Variants in PCDH9 observed in about 807,000 individuals in gnomAD.
The protein encoded by PCDH9 is protocadherin 9, also known as protocadherin-9.
Under a neutral mutation model 70.6 loss-of-function variants are expected in PCDH9, and 24 were observed. The ratio of observed to expected loss-of-function variants is 0.34; its 90% CI spans 0.25 to 0.48. The LOEUF is 0.48. Ranked by LOEUF, PCDH9 falls within the 20% of genes least tolerant of loss-of-function variation. The probability of loss-of-function intolerance (pLI) is 0.99; values close to 1 mark genes in which losing one functional copy is unlikely to be tolerated. For synonymous variants in PCDH9, 562 were observed against 558.5 expected, an observed-to-expected ratio of 1.01 and a Z score of -0.09; for missense variants, 1,281 against 1,503.6, an observed-to-expected ratio of 0.85 and a Z score of 2.45.
intron 2 of PCDH9, among the ~76,000 whole-genome samples, chr13:67,134,363 A>T (rs1330166268): frequency 6.6e-6 from 1 of 152,078 alleles, no homozygotes; most frequent in African/African-American, 2.4e-5. Flanking sequence ...TCACAGAATT[A>T]GCTGTTTTAA....
intron 3 of PCDH9, among the ~76,000 whole-genome samples, chr13:66,890,448 CTTTTTT>C (rs36076373): frequency 9.9e-6 from 1 of 100,564 alleles, no homozygotes; most frequent in Non-Finnish European, 2.0e-5. Context: ...GACTTCTGAA[CTTTTTT>C]TTTTTTTTTT....
intron 4 of PCDH9, among the ~76,000 whole-genome samples, chr13:66,498,582 A>T (rs565530543): frequency 5.8e-4 from 88 of 152,284 alleles, no homozygotes; most frequent in African/African-American, 2.1e-3. Context: ...GGAAACTGTC[A>T]CCTATATATA....
chr13:66,380,076 A>G (rs1164108624), intron 4 of PCDH9, among the ~76,000 whole-genome samples: 2 of 152,202 alleles, frequency 1.3e-5, no homozygotes, highest in Non-Finnish European at 2.9e-5. Flanking sequence ...TCATTCAAAC[A>G]TACAGTTGAT....
At chr13:66,370,144 A>T (rs1415668541) in intron 4 of PCDH9, among the ~76,000 whole-genome samples, 2 of 152,040 alleles carry the variant, frequency 1.3e-5, no homozygotes, top group Non-Finnish European at 2.9e-5. Flanking sequence ...TAAACATGTG[A>T]TTTTAAATAC....
At chr13:66,837,926 G>A (rs566540639) in intron 3 of PCDH9, among the ~76,000 whole-genome samples, 1 of 151,954 alleles carries the variant, frequency 6.6e-6, no homozygotes, top group African/African-American at 2.4e-5. Context: ...AGAGTGCCAG[G>A]AAACGCAATG....
chr13:66,993,021 A>G lies in PCDH9; in HGVS notation c.3037-89416T>C, dbSNP rs376190018. On this transcript the variant is annotated intron_variant, in intron 2 of 4. Coordinates refer to ENST00000377865, the MANE Select transcript of PCDH9 (RefSeq NM_203487.3). ...AATGTTTAACATTAAAGTTAAGACAATAAAATTTAAATTTCCCATGAAATG... is the reference window on the plus strand; with the variant it reads ...AATGTTTAACATTAAAGTTAAGACAGTAAAATTTAAATTTCCCATGAAATG... Among the ~76,000 whole-genome samples, 26 of 152,312 alleles carry G rather than the reference A, an allele frequency of 1.7e-4. No individual in the cohort carries two copies. In the South Asian group the frequency reaches 2.3e-3, roughly 13 times the overall value.
At chr13:66,861,216 T>A (rs1417425776) in intron 3 of PCDH9, among the ~76,000 whole-genome samples, 2 of 152,306 alleles carry the variant, frequency 1.3e-5, no homozygotes, top group Admixed American at 1.3e-4. Flanking sequence ...TCGAGTTAAG[T>A]GCGGCACTTT....
intron 3 of PCDH9, among the ~76,000 whole-genome samples, chr13:66,830,458 A>C (rs2080905974): frequency 6.6e-6 from 1 of 152,224 alleles, no homozygotes; most frequent in Non-Finnish European, 1.5e-5. Context: ...TATTCTAATT[A>C]AATATAATGG....
intron 3 of PCDH9, among the ~76,000 whole-genome samples, chr13:66,807,518 T>C (rs547160447): frequency 8.1e-4 from 123 of 152,290 alleles, no homozygotes; most frequent in African/African-American, 2.9e-3. Context: ...GATGTATAAG[T>C]TCCTTAACTT....
chr13:66,464,897 T>C (rs978901075), intron 4 of PCDH9, among the ~76,000 whole-genome samples: 4 of 152,106 alleles, frequency 2.6e-5, no homozygotes, highest in African/African-American at 9.6e-5. Context: ...AGAATATATC[T>C]AATAATTGCA....
chr13:67,135,716 T>G (rs1342645049), intron 2 of PCDH9, among the ~76,000 whole-genome samples: 1 of 152,094 alleles, frequency 6.6e-6, no homozygotes, highest in Admixed American at 6.6e-5. Flanking sequence ...AGGAGTCAAT[T>G]AAAAACAAAA....
chr13:66,685,704 G>C (rs763167037), intron 3 of PCDH9, among the ~76,000 whole-genome samples: 11 of 152,216 alleles, frequency 7.2e-5, no homozygotes, highest in South Asian at 4.1e-4. Context: ...AATCATGTGG[G>C]TGGAGCTGCC....
rs185673839 is a variant in PCDH9, at chr13:67,053,373, G to A, written c.3037-149768C>T. On this transcript the variant is annotated intron_variant, in intron 2 of 4. Coordinates refer to ENST00000377865, the MANE Select transcript of PCDH9 (RefSeq NM_203487.3). ...AATAGCACAGACGAAACAGGACATA[G>A]GACAAGAAACAGCAAAGTGTCATAG... is the stretch of plus-strand genomic sequence containing the variant. Among the ~76,000 whole-genome samples the A allele has an allele frequency of 1.6e-3, 246 of 152,250 alleles. 2 individuals carry two copies. Among genetic ancestry groups the A allele is most frequent in the African/African-American group, 5.8e-3 (240 of 41,522 alleles).
chr13:66,938,644 A>G (rs1319912084), intron 2 of PCDH9, among the ~76,000 whole-genome samples: 1 of 152,196 alleles, frequency 6.6e-6, no homozygotes. Context: ...TAGACAAAGA[A>G]AAAGGAAATT....
chr13:66,676,360 T>C (rs2078242447), intron 3 of PCDH9, among the ~76,000 whole-genome samples: 1 of 151,846 alleles, frequency 6.6e-6, no homozygotes, highest in Non-Finnish European at 1.5e-5. Context: ...AGGAATTTAG[T>C]AACAAAATTC....
chr13:66,618,082 T>C (rs1566459072), intron 4 of PCDH9, among the ~76,000 whole-genome samples: 1 of 152,150 alleles, frequency 6.6e-6, no homozygotes, highest in South Asian at 2.1e-4. Context: ...GGGATTGGAA[T>C]GGCTGAGTGG....
intron 2 of PCDH9, among the ~76,000 whole-genome samples, chr13:67,014,741 C>G (rs1324448185): frequency 6.6e-6 from 1 of 151,786 alleles, no homozygotes; most frequent in Non-Finnish European, 1.5e-5. Flanking sequence ...GATCTCCTAC[C>G]CCTCCTATGA....
intron 3 of PCDH9, among the ~76,000 whole-genome samples, chr13:66,736,888 T>C (rs575922095): frequency 4.6e-5 from 7 of 152,266 alleles, no homozygotes; most frequent in African/African-American, 1.4e-4. Flanking sequence ...CTTCCAGAGA[T>C]CTTTCCCCCG....
chr13:67,208,303 T>C (rs1296411987), intron 2 of PCDH9: 17 of 152,166 alleles, frequency 1.1e-4, no homozygotes, highest in Admixed American at 1.1e-3. Flanking sequence ...AAATTTCCTG[T>C]CAGAGGCATT....
Sources: gnomAD v4.1 joint callset for allele counts (sites outside exome capture counted in the v4.1 genomes callset) on GRCh38, gnomAD v4.1.1 for gene constraint, MANE v1.5 for transcripts, NCBI Gene and HGNC (gene_info 2026-07-23, HGNC 2026-07-21) for gene names.